Variants in CCSER2 observed in about 807,000 individuals in gnomAD.
CCSER2 encodes the protein coiled-coil serine rich protein 2.
CCSER2 carries 46 observed loss-of-function variants against 92.3 expected under a neutral mutation model. That is an observed-to-expected ratio of 0.50 (90% CI 0.39 to 0.64). CCSER2 has a LOEUF of 0.64. Among genes scored for constraint, CCSER2 ranks in the 30% least tolerant of loss-of-function variants. The pLI is 0.00. For synonymous variants in CCSER2, 433 were observed against 431.4 expected (o/e 1.00, Z -0.04); for missense variants, 1,244 against 1,238.9 (o/e 1.00, Z -0.06).
intron 1 of CCSER2, among the ~76,000 whole-genome samples, chr10:84,341,582 C>T (rs984699322): frequency 1.3e-5 from 2 of 151,802 alleles, no homozygotes; most frequent in African/African-American, 2.4e-5. Flanking sequence ...GCTGGTTGCC[C>T]TATGATTTAG....
intron 3 of CCSER2, among the ~76,000 whole-genome samples, chr10:84,395,165 AATGAG>A (rs1177493223): frequency 4.0e-5 from 6 of 151,416 alleles, no homozygotes; most frequent in Non-Finnish European, 7.4e-5. Flanking sequence ...TTGAGGCTGC[AATGAG>A]CCATGATTGC....
chr10:84,352,570 A>G (rs1844922656), intron 1 of CCSER2, among the ~76,000 whole-genome samples: 1 of 151,938 alleles, frequency 6.6e-6, no homozygotes. Flanking sequence ...TAGTATCTTT[A>G]TATTTCAAAG....
At chr10:84,444,668 A>G (rs1844797227) in intron 6 of CCSER2, among the ~76,000 whole-genome samples, 1 of 152,206 alleles carries the variant, frequency 6.6e-6, no homozygotes, top group South Asian at 2.1e-4. Flanking sequence ...TTCTACCATC[A>G]TTCTGTGTCC....
intron 9 of CCSER2, among the ~76,000 whole-genome samples, chr10:84,484,627 TTAAA>T (rs1264717302): frequency 3.9e-5 from 6 of 152,296 alleles, no homozygotes; most frequent in Admixed American, 1.3e-4. Context: ...ACATTGGTGT[TTAAA>T]TAAGTGATAT....
intron 5 of CCSER2, among the ~76,000 whole-genome samples, chr10:84,435,874 G>C (rs530001894): frequency 6.6e-6 from 1 of 152,144 alleles, no homozygotes; most frequent in Non-Finnish European, 1.5e-5. Context: ...AGTGTTCTCT[G>C]AAGTAGTGTC....
intron 1 of CCSER2, among the ~76,000 whole-genome samples, chr10:84,348,294 A>G (rs1413525706): frequency 2.0e-5 from 3 of 152,238 alleles, no homozygotes; most frequent in Admixed American, 6.5e-5. Flanking sequence ...CCACCAAAAA[A>G]TACGAAAACC....
chr10:84,452,325 A>T (rs908465677), intron 6 of CCSER2: 3 of 152,214 alleles, frequency 2.0e-5, no homozygotes, highest in African/African-American at 7.2e-5. Context: ...AGTTTGTTAC[A>T]GGGTTTTCAG....
intron 3 of CCSER2, among the ~76,000 whole-genome samples, chr10:84,401,903 C>G (rs1459745717): frequency 1.3e-5 from 2 of 152,194 alleles, no homozygotes; most frequent in African/African-American, 4.8e-5. Flanking sequence ...ACCCAAATGA[C>G]AAGCTGGTGG....
At chr10:84,417,744 T>A in intron 3 of CCSER2, 27 bp from the exon 4 acceptor site, 1 of 1,067,086 alleles carries the variant, frequency 9.4e-7, no homozygotes, top group South Asian at 1.3e-5. Context: ...TAGATTATGG[T>A]ATATTTTTTA....
chr10:84,396,265 T>C (rs11201023), intron 3 of CCSER2, among the ~76,000 whole-genome samples: 6,984 of 150,448 alleles, frequency 0.046, 234 homozygotes, highest in East Asian at 0.16. Context: ...AGATATAGTA[T>C]ATATAGTATA....
At chr10:84,497,562 C>T (rs533771771) in intron 9 of CCSER2, among the ~76,000 whole-genome samples, 2 of 152,100 alleles carry the variant, frequency 1.3e-5, no homozygotes, top group East Asian at 3.9e-4. Context: ...AGTGTGTGGC[C>T]GGGATTGACA....
intron 3 of CCSER2, among the ~76,000 whole-genome samples, chr10:84,393,031 G>A (rs1485818310): frequency 6.6e-6 from 1 of 152,116 alleles, no homozygotes; most frequent in Non-Finnish European, 1.5e-5. Context: ...CTATGTTGCA[G>A]CAATTTGTGT....
chr10:84,461,801 G>T (rs1216142805), intron 6 of CCSER2, among the ~76,000 whole-genome samples: 2 of 151,488 alleles, frequency 1.3e-5, no homozygotes, highest in African/African-American at 4.8e-5. Flanking sequence ...TTTTTTGATT[G>T]TCTTTTCCTT....
intron 3 of CCSER2, among the ~76,000 whole-genome samples, chr10:84,416,307 A>C (rs1378567861): frequency 6.6e-6 from 1 of 152,058 alleles, no homozygotes; most frequent in African/African-American, 2.4e-5. Flanking sequence ...TGGATATTTC[A>C]GTTGAAGGTG....
intron 4 of CCSER2, among the ~76,000 whole-genome samples, chr10:84,418,669 G>A (rs1259815699): frequency 6.6e-6 from 1 of 152,130 alleles, no homozygotes; most frequent in East Asian, 1.9e-4. Context: ...GAGAGGGGAG[G>A]TGTCTGTTCC....
At chr10:84,394,952 G>T (rs996933951) in intron 3 of CCSER2, among the ~76,000 whole-genome samples, 2 of 151,974 alleles carry the variant, frequency 1.3e-5, no homozygotes, top group African/African-American at 4.8e-5. Flanking sequence ...GGCGGGGTGC[G>T]GTGGATCATG....
chr10:84,350,751 C>G (rs1048215059), intron 1 of CCSER2, among the ~76,000 whole-genome samples: 1 of 152,130 alleles, frequency 6.6e-6, no homozygotes, highest in Non-Finnish European at 1.5e-5. Context: ...CTAGTTCTGC[C>G]CGTTTGTCAC....
chr10:84,343,339 A>G lies in CCSER2; in HGVS notation c.-40+14531A>G, dbSNP rs140198848. ...ATCTCTCATTTTCCATTTGTTGTCAAGTCTTTGTGAGGTATCTCTTCTCTC... is the reference window on the plus strand; with the variant it reads ...ATCTCTCATTTTCCATTTGTTGTCAGGTCTTTGTGAGGTATCTCTTCTCTC... On this transcript the variant is annotated intron_variant, in intron 1 of 9. Transcript: ENST00000372088. Among the ~76,000 whole-genome samples, 799 of 152,272 alleles carry G rather than the reference A, an allele frequency of 5.2e-3. 3 individuals carry two copies. Among genetic ancestry groups the G allele is most frequent in the South Asian group, 0.019 (91 of 4,828 alleles).
intron 8 of CCSER2, chr10:84,472,902 A>C (rs541139196): frequency 5.9e-5 from 9 of 152,284 alleles, no homozygotes; most frequent in African/African-American, 2.2e-4. Flanking sequence ...CAGTTGTTCC[A>C]AAAACATCCT....
Sources: allele counts gnomAD v4.1 joint callset (sites outside exome capture counted in the v4.1 genomes callset), GRCh38; gene constraint gnomAD v4.1.1; transcripts MANE v1.5; gene names NCBI Gene and HGNC (gene_info 2026-07-23, HGNC 2026-07-21).